RTL4: variants seen among roughly 807,000 people sequenced by gnomAD.
RTL4 encodes the protein retrotransposon Gag-like protein 4.
A neutral mutation model predicts 5.3 loss-of-function variants in RTL4; 4 were observed. The ratio of observed to expected loss-of-function variants is 0.75; its 90% CI spans 0.37 to 1.72. The LOEUF (loss-of-function observed/expected upper bound fraction) is 1.72. Ranked by LOEUF, RTL4 falls within the 40% of genes most tolerant of loss-of-function variation. The probability of loss-of-function intolerance (pLI) is 0.04; values close to 1 mark genes in which losing one functional copy is unlikely to be tolerated. For synonymous variants in RTL4, 98 were observed against 87.3 expected (o/e 1.12, Z -0.68); for missense variants, 260 against 227.1 (o/e 1.14, Z -0.93).
the RTL4 span, among the ~76,000 whole-genome samples, chrX:112,361,996 C>T: frequency 8.9e-6 from 1 of 111,814 alleles, no homozygotes; most frequent in Non-Finnish European, 1.9e-5. Flanking sequence ...TTTATAGACT[C>T]ACTTTTCCCC....
the RTL4 span, among the ~76,000 whole-genome samples, chrX:112,148,513 C>G: frequency 9.0e-6 from 1 of 111,083 alleles, no homozygotes; most frequent in Non-Finnish European, 1.9e-5. Flanking sequence ...ACTGAAAATA[C>G]TCACTGAAAA....
chrX:112,101,271 A>T, the RTL4 span, among the ~76,000 whole-genome samples: 1 of 111,779 alleles, frequency 8.9e-6, no homozygotes, highest in African/African-American at 3.2e-5. Flanking sequence ...TTAAAAAACC[A>T]CTCTACTGAA....
the RTL4 span, among the ~76,000 whole-genome samples, chrX:112,138,841 A>G: frequency 2.7e-5 from 3 of 111,879 alleles, no homozygotes; most frequent in East Asian, 8.4e-4. Flanking sequence ...CCTAATGTTA[A>G]CATCTTACAT....
the RTL4 span, among the ~76,000 whole-genome samples, chrX:112,266,961 C>T: frequency 5.4e-5 from 6 of 111,517 alleles, no homozygotes; most frequent in Admixed American, 5.7e-4. Flanking sequence ...AGGCCAAACC[C>T]TCCATTTGTG....
chrX:112,149,899 GAAGT>G, the RTL4 span, among the ~76,000 whole-genome samples: 1 of 111,812 alleles, frequency 8.9e-6, no homozygotes, highest in African/African-American at 3.3e-5. Flanking sequence ...ACTATTTTAA[GAAGT>G]AAGGTGGACA....
the RTL4 span, among the ~76,000 whole-genome samples, chrX:112,315,952 A>G: frequency 8.9e-6 from 1 of 112,020 alleles, no homozygotes; most frequent in Non-Finnish European, 1.9e-5. Context: ...TGGAGTATAT[A>G]CTAGGAGAAG....
chrX:112,223,102 T>C, the RTL4 span, among the ~76,000 whole-genome samples: 1 of 112,373 alleles, frequency 8.9e-6, no homozygotes, highest in African/African-American at 3.2e-5. Flanking sequence ...GGAGATCATA[T>C]TATCATCACA....
At chrX:112,317,689 A>G in the RTL4 span, among the ~76,000 whole-genome samples, 4 of 111,955 alleles carry the variant, frequency 3.6e-5, no homozygotes, top group Non-Finnish European at 7.5e-5. Context: ...ATGGTGCTCA[A>G]CTGTTCAAAT....
the RTL4 span, among the ~76,000 whole-genome samples, chrX:112,308,136 G>A: frequency 5.4e-5 from 6 of 111,402 alleles, no homozygotes; most frequent in Non-Finnish European, 1.1e-4. Context: ...CTTTCTGGGG[G>A]TTTTAGCTAA....
chrX:112,124,614 A>C, the RTL4 span, among the ~76,000 whole-genome samples: 1 of 106,653 alleles, frequency 9.4e-6, no homozygotes, highest in Admixed American at 1.0e-4. Context: ...CATAAGTGGG[A>C]GTTGAACAAT....
the RTL4 span, among the ~76,000 whole-genome samples, chrX:112,283,177 G>A: frequency 2.7e-5 from 3 of 111,240 alleles, no homozygotes; most frequent in African/African-American, 9.9e-5. Context: ...AAAAAATATT[G>A]TTTTGAGGTA....
At chrX:112,236,916 C>T in the RTL4 span, among the ~76,000 whole-genome samples, 1 of 111,172 alleles carries the variant, frequency 9.0e-6, no homozygotes, top group Non-Finnish European at 1.9e-5. Context: ...CAAGGGTCCT[C>T]ATAAGAGAGG....
At chrX:112,287,952 T>C in the RTL4 span, among the ~76,000 whole-genome samples, 1 of 111,903 alleles carries the variant, frequency 8.9e-6, no homozygotes, top group African/African-American at 3.2e-5. Context: ...CAGATGAATC[T>C]TGTGTCTCCC....
chrX:112,334,658 T>A, the RTL4 span, among the ~76,000 whole-genome samples: 1 of 112,158 alleles, frequency 8.9e-6, no homozygotes, highest in Non-Finnish European at 1.9e-5. Context: ...TGCTTCTTAA[T>A]TAGAATGTTT....
the RTL4 span, among the ~76,000 whole-genome samples, chrX:112,190,179 T>TC: frequency 9.6e-6 from 1 of 104,216 alleles, no homozygotes; most frequent in Non-Finnish European, 2.0e-5. Context: ...TTTCTTTCTT[T>TC]CTTTCTTTCT....
At chrX:112,254,371 C>A in the RTL4 span, among the ~76,000 whole-genome samples, 2 of 109,670 alleles carry the variant, frequency 1.8e-5, no homozygotes, top group African/African-American at 6.7e-5. Flanking sequence ...GGCTCTGTCA[C>A]CAGGCTGGAG....
chrX:112,137,050 A>G, the RTL4 span, among the ~76,000 whole-genome samples: 428 of 111,937 alleles, frequency 3.8e-3, 2 homozygotes, highest in African/African-American at 0.013. Flanking sequence ...AACAAAGGAA[A>G]CAATTAACAA....
chrX:112,102,724 A>T, the RTL4 span, among the ~76,000 whole-genome samples: 1,640 of 111,893 alleles, frequency 0.015, 29 homozygotes, highest in African/African-American at 0.051. Flanking sequence ...TCTACAAGGA[A>T]CTTACATTTA....
At chrX:112,358,488 CTAAT>C in the RTL4 span, among the ~76,000 whole-genome samples, 7 of 111,426 alleles carry the variant, frequency 6.3e-5, no homozygotes, top group Non-Finnish European at 1.9e-5. Flanking sequence ...AAACACATCT[CTAAT>C]TAATTTATGT....
Sources: gnomAD v4.1 joint callset for allele counts (sites outside exome capture counted in the v4.1 genomes callset) on GRCh38, gnomAD v4.1.1 for gene constraint, MANE v1.5 for transcripts, NCBI Gene and HGNC (gene_info 2026-07-23, HGNC 2026-07-21) for gene names.